Variants in NCOA6 observed in about 807,000 individuals in gnomAD.
NCOA6 encodes nuclear receptor coactivator 6.
In NCOA6, 49 loss-of-function variants were observed where a neutral mutation model predicts 171.4. The ratio of observed to expected loss-of-function variants is 0.29; its 90% CI spans 0.23 to 0.36. The LOEUF (loss-of-function observed/expected upper bound fraction) is 0.36. Ranked by LOEUF, NCOA6 falls within the 10% of genes least tolerant of loss-of-function variation. NCOA6 has a pLI of 1.00. For synonymous variants in NCOA6, 910 were observed against 927.5 expected, an observed-to-expected ratio of 0.98 and a Z score of 0.34; for missense variants, 2,248 against 2,554.5, an observed-to-expected ratio of 0.88 and a Z score of 2.59.
At chr20:34,789,485 T>C (rs761673937) in intron 2 of NCOA6, among the ~76,000 whole-genome samples, 2 of 152,164 alleles carry the variant, frequency 1.3e-5, no homozygotes, top group African/African-American at 2.4e-5. Flanking sequence ...CATAAAGGCT[T>C]ACTATGGCTA....
intron 1 of NCOA6, among the ~76,000 whole-genome samples, chr20:34,804,367 G>C (rs191147048): frequency 6.6e-6 from 1 of 151,860 alleles, no homozygotes; most frequent in East Asian, 1.9e-4. Flanking sequence ...AAGCAAGCTG[G>C]GTGTGGTGGC....
Position 34,740,668 on chromosome 20 carries a change from C to G in NCOA6, c.5588G>C (p.Gly1863Ala). Residue 1863 changes from glycine (G) to alanine (A), a missense_variant, in exon 11 of 15, where the codon GGG becomes GCG. Around this residue, in one of 7 missense-constraint regions of NCOA6, gnomAD observed 884 missense variants for 941.9 expected, o/e 0.94. Coordinates refer to ENST00000359003, the MANE Select transcript of NCOA6 (RefSeq NM_014071.5). ...EGQGLDTTAP[G>A]LMGTEQLSTE... Reference sequence around the variant, plus strand: ...GGATAACTGCTCTGTTCCCATGAGCCCCGGAGCTGTGGTGTCTAGCCCTTG... The same window carrying G: ...GGATAACTGCTCTGTTCCCATGAGCGCCGGAGCTGTGGTGTCTAGCCCTTG... The G allele has an allele frequency of 6.2e-7, 1 of 1,614,136 alleles. No individual in the cohort carries two copies. The highest frequency in any genetic ancestry group is 8.5e-7 in the Non-Finnish European group (1 of 1,180,032).
chr20:34,769,604 TC>T, intron 4 of NCOA6, among the ~76,000 whole-genome samples: 1 of 152,206 alleles, frequency 6.6e-6, no homozygotes. Context: ...CCTCACGTGA[TC>T]CACCCACCTC....
intron 1 of NCOA6, among the ~76,000 whole-genome samples, chr20:34,798,531 T>G (rs1368209105): frequency 6.6e-6 from 1 of 152,228 alleles, no homozygotes; most frequent in Non-Finnish European, 1.5e-5. Context: ...AGTGCTGTGC[T>G]GGCTTTAGGT....
At chr20:34,779,294 T>C (rs531438128) in intron 3 of NCOA6, among the ~76,000 whole-genome samples, 1 of 152,204 alleles carries the variant, frequency 6.6e-6, no homozygotes, top group South Asian at 2.1e-4. Context: ...GCAGATCACT[T>C]GAGCTCAGGA....
chr20:34,743,324 C>T lies in NCOA6; in HGVS notation c.2932G>A (p.Val978Ile). ...ATCTGCTGAAGTGGCCTCTGTTCAACTGGTTGAGAAGGATAACCTAAAACA... is the reference window on the plus strand; with the variant it reads ...ATCTGCTGAAGTGGCCTCTGTTCAATTGGTTGAGAAGGATAACCTAAAACA... ...NRPPGYPSQP[V>I]EQRPLQQMPP... is the part of the protein sequence containing the mutation. Residue 978 changes from valine to isoleucine, a missense_variant, in exon 11 of 15, where the codon GTT becomes ATT. By Grantham distance (29) the Val-to-Ile change is conservative. Around this residue, in one of 7 missense-constraint regions of NCOA6, gnomAD observed 352 missense variants for 419.1 expected, o/e 0.84. Coordinates refer to ENST00000359003, the MANE Select transcript of NCOA6 (RefSeq NM_014071.5). The T allele has an allele frequency of 6.2e-7, 1 of 1,607,268 alleles. No homozygotes were observed. The highest frequency in any genetic ancestry group is 8.5e-7 in the Non-Finnish European group (1 of 1,175,116).
rs563608477 is a variant in NCOA6, at chr20:34,788,646, AG to A, written c.-50+3803del. Among the ~76,000 whole-genome samples, 6 of 152,284 alleles carry A rather than the reference AG, an allele frequency of 3.9e-5. No individual in the cohort carries two copies. In the South Asian group the frequency reaches 1.2e-3, roughly 32 times the overall value. ...CTACCTCATATTTAGGCTTAACTGA[AG>A]GACATATAGGTTTTAAAGTTGAAGA... is the stretch of plus-strand genomic sequence containing the variant. On this transcript the variant is annotated intron_variant, in intron 2 of 14. Transcript: ENST00000359003.
chr20:34,791,590 G>T (rs995953581), intron 2 of NCOA6, among the ~76,000 whole-genome samples: 3 of 150,912 alleles, frequency 2.0e-5, no homozygotes, highest in African/African-American at 7.3e-5. Context: ...CAGAATGAAA[G>T]AAAAAAAAAC....
intron 1 of NCOA6, among the ~76,000 whole-genome samples, chr20:34,802,430 G>A (rs928603136): frequency 8.5e-5 from 13 of 152,240 alleles, no homozygotes; most frequent in Admixed American, 2.6e-4. Context: ...GTGAAAGCCC[G>A]TCTCTACTAA....
chr20:34,816,677 G>A (rs538716627), intron 1 of NCOA6, among the ~76,000 whole-genome samples: 2 of 152,086 alleles, frequency 1.3e-5, no homozygotes, highest in East Asian at 1.9e-4. Context: ...TGGGATTACA[G>A]GTATGAGCCA....
At chr20:34,770,635 C>CTT (rs371855705) in intron 4 of NCOA6, among the ~76,000 whole-genome samples, 2 of 145,016 alleles carry the variant, frequency 1.4e-5, no homozygotes, top group African/African-American at 5.0e-5. Flanking sequence ...GGCCAAACTT[C>CTT]TTTTTTTTTT....
chr20:34,724,696 T>C lies in NCOA6; in HGVS notation c.6148+2563A>G, dbSNP rs568220209. 5.3e-5 allele frequency among the ~76,000 whole-genome samples: 8 copies of C among 152,350 alleles called. No homozygotes were observed. In the South Asian group the frequency reaches 6.2e-4, roughly 12 times the overall value. Reference sequence around the variant, plus strand: ...GCAGAAGAGCAAGGTATCTCAGCTATATGCTCTTATAGTGCCATGTAATTT... The same window carrying C: ...GCAGAAGAGCAAGGTATCTCAGCTACATGCTCTTATAGTGCCATGTAATTT... On this transcript the variant is annotated intron_variant, in intron 14 of 14. Coordinates refer to ENST00000359003, the MANE Select transcript of NCOA6 (RefSeq NM_014071.5).
At position 34,772,692 on chromosome 20, in the gene NCOA6, G is replaced by A. The variant is rs568581906; in HGVS notation, c.391+3601C>T. On this transcript the variant is annotated intron_variant, in intron 4 of 14. Coordinates refer to ENST00000359003, the MANE Select transcript of NCOA6 (RefSeq NM_014071.5). ...ACATGTAGTGGAGTTCTGAGCCAGCGGGGCTGCCATTATGGTGGGCACAGG... is the reference window on the plus strand; with the variant it reads ...ACATGTAGTGGAGTTCTGAGCCAGCAGGGCTGCCATTATGGTGGGCACAGG... 5.9e-5 allele frequency among the ~76,000 whole-genome samples: 9 copies of A among 151,566 alleles called. No individual in the cohort carries two copies. The South Asian group carries it at 6.2e-4, about 11-fold the overall frequency.
intron 8 of NCOA6, among the ~76,000 whole-genome samples, chr20:34,754,292 C>T (rs549939883): frequency 6.6e-4 from 100 of 152,348 alleles, no homozygotes; most frequent in African/African-American, 2.3e-3. Flanking sequence ...ACTCAGGGGT[C>T]AGCAAACTAT....
At chr20:34,715,390 T>G in intron 14 of NCOA6, 25 bp from the exon 15 acceptor site, 1 of 1,560,442 alleles carries the variant, frequency 6.4e-7, no homozygotes, top group Non-Finnish European at 8.8e-7. Context: ...AAGGACATGT[T>G]CAGTGGAAGT....
intron 1 of NCOA6, among the ~76,000 whole-genome samples, chr20:34,808,394 C>T (rs2078533700): frequency 6.6e-6 from 1 of 150,580 alleles, no homozygotes; most frequent in South Asian, 2.1e-4. Flanking sequence ...ACACAGTGGC[C>T]AGTTCTGCTT....
chr20:34,778,037 T>A (rs981177407), intron 3 of NCOA6, among the ~76,000 whole-genome samples: 1 of 151,900 alleles, frequency 6.6e-6, no homozygotes, highest in African/African-American at 2.4e-5. Context: ...CATCCTGAGC[T>A]GGGACTACAG....
intron 3 of NCOA6, among the ~76,000 whole-genome samples, chr20:34,781,408 A>C (rs1189161882): frequency 1.3e-5 from 2 of 152,240 alleles, no homozygotes; most frequent in Non-Finnish European, 2.9e-5. Context: ...AGATATGGAC[A>C]GGTAATCTAA....
chr20:34,739,466 T>C (rs1182543744), intron 11 of NCOA6, among the ~76,000 whole-genome samples: 1 of 152,224 alleles, frequency 6.6e-6, no homozygotes, highest in Admixed American at 6.5e-5. Flanking sequence ...TCCATTATCA[T>C]GAAACCCAGT....
Sources: allele counts gnomAD v4.1 joint callset (sites outside exome capture counted in the v4.1 genomes callset), GRCh38; gene constraint gnomAD v4.1.1; regional missense constraint gnomAD v4.1.1; transcripts MANE v1.5; gene names NCBI Gene and HGNC (gene_info 2026-07-23, HGNC 2026-07-21).